The following RFC1 variants were observed in gnomAD, a reference collection of about 807,000 sequenced individuals.
RFC1 encodes the protein replication factor C subunit 1.
RFC1 carries 37 observed loss-of-function variants against 137.4 expected under a neutral mutation model. That is an observed-to-expected ratio of 0.27 (90% CI 0.21 to 0.35). The LOEUF (loss-of-function observed/expected upper bound fraction) is 0.35, where lower values mean the gene tolerates loss of function less well. RFC1 is among the 10% of genes least tolerant of loss of function. RFC1 has a pLI of 1.00. For synonymous variants in RFC1, 429 were observed against 455.7 expected (o/e 0.94, Z 0.75); for missense variants, 1,205 against 1,358.5 (o/e 0.89, Z 1.78).
At position 39,326,578 on chromosome 4, in the gene RFC1, A is replaced by G. The variant is rs1226548531; in HGVS notation, c.627T>C (p.Leu209=). 6.2e-6 allele frequency: 10 copies of G among 1,612,814 alleles called. No individual in the cohort carries two copies. The East Asian group carries it at 2.2e-4, about 36-fold the overall frequency. The change falls in exon 6 of 25, where the codon CTT becomes CTC. Residue 209 remains leucine, a synonymous_variant. Coordinates refer to ENST00000349703, the MANE Select transcript of RFC1 (RefSeq NM_002913.5). The stretch of plus-strand genomic sequence containing the variant: ...ATGCCAATACCTCCGCATCTTCATC[A>G]AGCTGTAATTGCTTGGCGATGGCTT... ...NDEAIAKQLQ[L]DEDAELERQL...
At chr4:39,307,058 A>G (rs1408337200) in intron 13 of RFC1, among the ~76,000 whole-genome samples, 4 of 152,112 alleles carry the variant, frequency 2.6e-5, no homozygotes, top group Admixed American at 2.0e-4. Flanking sequence ...AGCCGTGGGT[A>G]CTTTAGAAGT....
intron 21 of RFC1, among the ~76,000 whole-genome samples, chr4:39,298,948 C>T (rs1160369016): frequency 6.6e-6 from 1 of 152,152 alleles, no homozygotes; most frequent in East Asian, 1.9e-4. Flanking sequence ...TGGGAACAGG[C>T]CCCCCAAAAT....
chr4:39,364,053 C>G (rs1354539434), intron 1 of RFC1, among the ~76,000 whole-genome samples: 1 of 148,472 alleles, frequency 6.7e-6, no homozygotes, highest in East Asian at 2.0e-4. Context: ...GCACTCCAGC[C>G]TGGGCAACAG....
chr4:39,305,839 A>G (rs1246756510), intron 14 of RFC1, among the ~76,000 whole-genome samples: 2 of 152,200 alleles, frequency 1.3e-5, no homozygotes, highest in Non-Finnish European at 2.9e-5. Flanking sequence ...AACTGTAGGG[A>G]CTAGGAAAAA....
intron 14 of RFC1, 27 bp downstream of exon 14, chr4:39,306,565 C>T: frequency 7.7e-7 from 1 of 1,292,098 alleles, no homozygotes. Context: ...GGTTATCTGT[C>T]CGACCACACT....
intron 19 of RFC1, among the ~76,000 whole-genome samples, chr4:39,301,916 TAGTTTCAGAGAGGTCATTAAACTAAACC>T: frequency 6.6e-6 from 1 of 152,356 alleles, no homozygotes; most frequent in South Asian, 2.1e-4. Context: ...TACATACCTC[TAGTTTCAGAGAGGTCATTAAACTAAACC>T]ATTTGACATG....
At chr4:39,315,450 T>C (rs1277635352) in intron 10 of RFC1, among the ~76,000 whole-genome samples, 1 of 152,250 alleles carries the variant, frequency 6.6e-6, no homozygotes, top group African/African-American at 2.4e-5. Flanking sequence ...TGTACTAGTT[T>C]ACCAGATGCT....
Position 39,289,874 on chromosome 4 carries a change from C to G in RFC1, c.3334G>C (p.Ala1112Pro), listed in dbSNP as rs1288643281. ...TTGATCATGGCATCAGTTTCTATAG[C>G]ATCTTGGTCTTTCTCATCAGATTGA... ...DSQSDEKDQDAIETDAMIKKK... is the reference protein window; with the variant it reads ...DSQSDEKDQDPIETDAMIKKK... The change falls in exon 24 of 25, where the codon GCT becomes CCT. Residue 1112 changes from alanine to proline, a missense_variant. Physicochemically the swap from Ala to Pro is conservative, Grantham distance 27. This residue lies in a region of RFC1 where 237 missense variants were observed against 304.2 expected (regional missense o/e 0.78). Coordinates refer to ENST00000349703, the MANE Select transcript of RFC1 (RefSeq NM_002913.5). 2 of 1,612,576 alleles carry G rather than the reference C, an allele frequency of 1.2e-6. No homozygotes were observed. Among genetic ancestry groups the G allele is most frequent in the African/African-American group, 2.7e-5 (2 of 74,886 alleles).
In RFC1 at chr4:39,288,882, G is replaced by A. The variant is rs770883393; in HGVS notation, c.3361-38C>T. 3 of 1,216,796 alleles carry A rather than the reference G, an allele frequency of 2.5e-6. No individual in the cohort carries two copies. The Admixed American group carries it at 5.7e-5, about 23-fold the overall frequency. 75.4% of individuals were successfully genotyped at this position (1,216,796 alleles called of 1,614,324 possible). A position where few individuals can be genotyped will look rare whatever the true frequency, so the allele number is the denominator to read the frequency against. On this transcript the variant is annotated intron_variant, in intron 24 of 24. Coordinates refer to ENST00000349703, the MANE Select transcript of RFC1 (RefSeq NM_002913.5). Reference sequence around the variant, plus strand: ...AGATAACAAAATAGTTAATAGCTGTGTTTATGAGTAAATGAAATAAGTTCA... The same window carrying A: ...AGATAACAAAATAGTTAATAGCTGTATTTATGAGTAAATGAAATAAGTTCA...
intron 1 of RFC1, among the ~76,000 whole-genome samples, chr4:39,359,069 T>A (rs1469721410): frequency 2.6e-5 from 4 of 152,072 alleles, no homozygotes; most frequent in African/African-American, 9.7e-5. Context: ...TTATTCCCCA[T>A]CTCCATGCAT....
chr4:39,307,708 T>A (rs1738750460), intron 13 of RFC1, among the ~76,000 whole-genome samples: 1 of 148,680 alleles, frequency 6.7e-6, no homozygotes, highest in Admixed American at 6.7e-5. Context: ...AGAGCAAGAC[T>A]CTGTCTCAAA....
chr4:39,323,465 G>A (rs776614875), intron 6 of RFC1, 48 bp from the exon 7 acceptor site: 13 of 1,479,590 alleles, frequency 8.8e-6, no homozygotes, highest in South Asian at 2.3e-5. Context: ...TTTTCTTTTC[G>A]TAAATAGAAT....
intron 2 of RFC1, among the ~76,000 whole-genome samples, chr4:39,346,432 C>T (rs546154897): frequency 6.6e-6 from 1 of 151,112 alleles, no homozygotes; most frequent in African/African-American, 2.4e-5. Flanking sequence ...GCCAAGATCG[C>T]GCCATTGCAT....
At chr4:39,329,650 A>C (rs569643516) in intron 4 of RFC1, among the ~76,000 whole-genome samples, 1 of 152,014 alleles carries the variant, frequency 6.6e-6, no homozygotes, top group East Asian at 1.9e-4. Flanking sequence ...AGGCAGTAGG[A>C]GGATCGCTTG....
intron 1 of RFC1, 31 bp from the exon 2 acceptor site, chr4:39,351,507 A>T (rs760107391): frequency 2.0e-6 from 3 of 1,502,808 alleles, no homozygotes; most frequent in East Asian, 2.5e-5. Flanking sequence ...ATTCACGAAT[A>T]AACATTAACC....
rs961588247 is a variant in RFC1 at position 39,363,501 on chromosome 4, G to A, written c.3+2738C>T. Among the ~76,000 whole-genome samples the A allele has an allele frequency of 4.6e-5, 7 of 152,124 alleles. 1 individual carries two copies. Among genetic ancestry groups the A allele is most frequent in the South Asian group, 4.1e-4 (2 of 4,834 alleles). ...ACAGTATTCCATTGTGTGAATACACGTACTTTATTTCTTTATTGATAACTT... is the reference window on the plus strand; with the variant it reads ...ACAGTATTCCATTGTGTGAATACACATACTTTATTTCTTTATTGATAACTT... On this transcript the variant is annotated intron_variant, in intron 1 of 24. Coordinates refer to ENST00000349703, the MANE Select transcript of RFC1 (RefSeq NM_002913.5).
At chr4:39,349,155 A>C (rs1741059098) in intron 2 of RFC1, among the ~76,000 whole-genome samples, 1 of 152,140 alleles carries the variant, frequency 6.6e-6, no homozygotes, top group Admixed American at 6.5e-5. Flanking sequence ...TGGACTTCAG[A>C]CTTGATGCTG....
intron 2 of RFC1, among the ~76,000 whole-genome samples, chr4:39,349,568 A>T (rs1467820353): frequency 6.6e-6 from 1 of 152,196 alleles, no homozygotes; most frequent in Non-Finnish European, 1.5e-5. Context: ...CCAGACACCT[A>T]ATCAGCCAGT....
chr4:39,303,148 C>T lies in RFC1; in HGVS notation c.2114G>A (p.Gly705Glu). 6.2e-7 allele frequency: 1 copy of T among 1,611,712 alleles called. No individual in the cohort carries two copies. The highest frequency in any genetic ancestry group is 8.5e-7 in the Non-Finnish European group (1 of 1,178,020). The part of the protein sequence containing the change: ...NTSIKGFYSN[G>E]AASSVSTKHA... The stretch of plus-strand genomic sequence containing the variant: ...TTTCGTGCTTACTGAAGAGGCTGCT[C>T]CATCTGACCCAGGTTGAGGAGCAAT... The change falls in exon 16 of 25, where the codon GGA becomes GAA. Residue 705 changes from glycine to glutamate, a missense_variant. Transcript: ENST00000349703.
Sources: allele counts gnomAD v4.1 joint callset (sites outside exome capture counted in the v4.1 genomes callset), GRCh38; gene constraint gnomAD v4.1.1; regional missense constraint gnomAD v4.1.1; transcripts MANE v1.5; gene names NCBI Gene and HGNC (gene_info 2026-07-23, HGNC 2026-07-21).